The following PLXNA4 variants were observed in gnomAD, a reference collection of about 807,000 sequenced individuals.
PLXNA4 encodes the protein plexin A4, also known as plexin-A4.
In PLXNA4, 44 loss-of-function variants were observed where a neutral mutation model predicts 191.8. That is an observed-to-expected ratio of 0.23 (90% CI 0.18 to 0.29). The LOEUF (loss-of-function observed/expected upper bound fraction) is 0.29. Ranked by LOEUF, PLXNA4 falls within the 10% of genes least tolerant of loss-of-function variation. PLXNA4 has a pLI of 1.00. For synonymous variants in PLXNA4, 1,082 were observed against 1,009.5 expected (o/e 1.07, Z -1.36); for missense variants, 1,800 against 2,488.8 (o/e 0.72, Z 5.89).
At chr7:132,416,529 T>A (rs1794667053) in intron 3 of PLXNA4, among the ~76,000 whole-genome samples, 2 of 152,296 alleles carry the variant, frequency 1.3e-5, no homozygotes, top group Non-Finnish European at 2.9e-5. Context: ...TCATCCTTGA[T>A]CCCTTCTGAG....
intron 1 of PLXNA4, among the ~76,000 whole-genome samples, chr7:132,538,498 G>A (rs1799941758): frequency 6.6e-6 from 1 of 152,218 alleles, no homozygotes. Context: ...AAAGTTGGGG[G>A]CTATACCTAA....
intron 3 of PLXNA4, among the ~76,000 whole-genome samples, chr7:132,303,346 G>A (rs1262616175): frequency 1.3e-5 from 2 of 150,768 alleles, no homozygotes; most frequent in African/African-American, 2.4e-5. Flanking sequence ...CGAGGTGGGC[G>A]GATCACGAGG....
At chr7:132,331,926 G>T (rs889935809) in intron 3 of PLXNA4, among the ~76,000 whole-genome samples, 2 of 152,176 alleles carry the variant, frequency 1.3e-5, no homozygotes, top group African/African-American at 4.8e-5. Context: ...TGAGTGTTGA[G>T]ATCTGGGTCC....
chr7:132,587,014 T>C (rs538505845), intron 2 of PLXNA4, among the ~76,000 whole-genome samples: 1 of 152,312 alleles, frequency 6.6e-6, no homozygotes, highest in East Asian at 1.9e-4. Flanking sequence ...AATGGGATCG[T>C]AAGCTGTATT....
At chr7:132,462,912 C>T (rs1796568733) in intron 3 of PLXNA4, among the ~76,000 whole-genome samples, 1 of 141,554 alleles carries the variant, frequency 7.1e-6, no homozygotes. Flanking sequence ...TACAATGGTG[C>T]AATCTTGGCT....
intron 3 of PLXNA4, among the ~76,000 whole-genome samples, chr7:132,393,076 TTCC>T (rs1793580668): frequency 6.6e-6 from 1 of 151,976 alleles, no homozygotes; most frequent in Non-Finnish European, 1.5e-5. Context: ...AATTGTCAGT[TTCC>T]TCCTCCGAAT....
At chr7:132,641,859 T>C (rs932878767) in intron 2 of PLXNA4, among the ~76,000 whole-genome samples, 1 of 152,062 alleles carries the variant, frequency 6.6e-6, no homozygotes, top group Non-Finnish European at 1.5e-5. Flanking sequence ...CTGTGCATGC[T>C]CAGACAATGA....
At chr7:132,145,321 G>A (rs2671100) in intron 28 of PLXNA4, 33 bp from the exon 29 acceptor site, 159,854 of 1,611,048 alleles carry the variant, frequency 0.099, 26,118 homozygotes, top group African/African-American at 0.77. Context: ...GACACAGCTC[G>A]ACTCACGTAG....
intron 30 of PLXNA4, 30 bp from the exon 31 acceptor site, chr7:132,133,229 G>A: frequency 6.2e-7 from 1 of 1,611,252 alleles, no homozygotes; most frequent in Non-Finnish European, 8.5e-7. Flanking sequence ...GGGAGAAGCT[G>A]AAGTCGTGCA....
At chr7:132,289,799 C>G (rs769479885) in intron 4 of PLXNA4, among the ~76,000 whole-genome samples, 1 of 151,552 alleles carries the variant, frequency 6.6e-6, no homozygotes, top group Admixed American at 6.6e-5. Context: ...TCTCAAAGTG[C>G]TGGGATTATA....
At chr7:132,311,055 C>T (rs1212463248) in intron 3 of PLXNA4, among the ~76,000 whole-genome samples, 1 of 152,072 alleles carries the variant, frequency 6.6e-6, no homozygotes, top group Non-Finnish European at 1.5e-5. Context: ...AATGTCAGTG[C>T]ATTTGCAAAG....
At chr7:132,377,516 G>A (rs1407007255) in intron 3 of PLXNA4, among the ~76,000 whole-genome samples, 1 of 152,058 alleles carries the variant, frequency 6.6e-6, no homozygotes, top group Non-Finnish European at 1.5e-5. Flanking sequence ...AAACTGAGGT[G>A]CAAGATGTGA....
chr7:132,620,697 T>A (rs1451073981), intron 2 of PLXNA4, among the ~76,000 whole-genome samples: 1 of 152,216 alleles, frequency 6.6e-6, no homozygotes, highest in Admixed American at 6.5e-5. Context: ...TGTAATAGGA[T>A]ACCTTTTGCT....
At chr7:132,544,022 C>T (rs1050415228) in intron 1 of PLXNA4, among the ~76,000 whole-genome samples, 1 of 152,046 alleles carries the variant, frequency 6.6e-6, no homozygotes, top group African/African-American at 2.4e-5. Flanking sequence ...GGAAAGAAAA[C>T]CAGATGAAGG....
chr7:132,131,545 C>A (rs1477883318), intron 31 of PLXNA4, among the ~76,000 whole-genome samples: 2 of 152,044 alleles, frequency 1.3e-5, no homozygotes, highest in Non-Finnish European at 2.9e-5. Flanking sequence ...TCAAGGGAGG[C>A]GCCCAGGGCT....
At chr7:132,228,287 A>T (rs1798400121) in intron 6 of PLXNA4, 59 bp downstream of exon 6, 29 of 1,605,918 alleles carry the variant, frequency 1.8e-5, no homozygotes, top group Non-Finnish European at 2.5e-5. Context: ...GGCACTTTTT[A>T]GTGAGGGGAG....
At chr7:132,615,704 G>C (rs1318786725) in intron 2 of PLXNA4, among the ~76,000 whole-genome samples, 1 of 152,134 alleles carries the variant, frequency 6.6e-6, no homozygotes, top group East Asian at 1.9e-4. Flanking sequence ...CCCAAAGCTG[G>C]GAGACCCCAT....
intron 4 of PLXNA4, among the ~76,000 whole-genome samples, chr7:132,292,630 A>G (rs1479910664): frequency 4.6e-5 from 7 of 152,324 alleles, no homozygotes; most frequent in Middle Eastern, 3.4e-3. Context: ...TAACTCTATA[A>G]GAATATACCT....
chr7:132,381,001 C>G (rs190159801), intron 3 of PLXNA4, among the ~76,000 whole-genome samples: 5 of 152,386 alleles, frequency 3.3e-5, no homozygotes, highest in Admixed American at 1.3e-4. Flanking sequence ...GCTAGAGACT[C>G]ACGTTTCTGA....
Sources: allele counts gnomAD v4.1 joint callset (sites outside exome capture counted in the v4.1 genomes callset), GRCh38; gene constraint gnomAD v4.1.1; transcripts MANE v1.5; gene names NCBI Gene and HGNC (gene_info 2026-07-23, HGNC 2026-07-21).